XRCC6: variants seen among roughly 807,000 people sequenced by gnomAD.
XRCC6 encodes X-ray repair cross complementing 6.
A neutral mutation model predicts 65.7 loss-of-function variants in XRCC6; 5 were observed. The observed-to-expected ratio is 0.08, with a 90% CI of 0.04 to 0.16. XRCC6 has a LOEUF of 0.16. Ranked by LOEUF, XRCC6 falls within the 10% of genes least tolerant of loss-of-function variation. The pLI, the probability that XRCC6 is intolerant of heterozygous loss-of-function variation, is 1.00. For missense variants in XRCC6, 447 were observed against 738.1 expected (o/e 0.61, Z 4.57); for synonymous variants, 270 against 270.6 (o/e 1.00, Z 0.02).
intron 6 of XRCC6, among the ~76,000 whole-genome samples, chr22:41,645,261 T>G (rs79733781): frequency 6.0e-5 from 9 of 150,546 alleles, no homozygotes; most frequent in Non-Finnish European, 8.9e-5. Flanking sequence ...ATCGTGCCAT[T>G]GCACTCCAGC....
chr22:41,638,612 T>C (rs747108960), intron 6 of XRCC6, among the ~76,000 whole-genome samples: 10 of 151,838 alleles, frequency 6.6e-5, no homozygotes, highest in Non-Finnish European at 1.5e-4. Flanking sequence ...GGTGAAACCT[T>C]GTTCTCTACT....
chr22:41,650,793 G>A lies in XRCC6; in HGVS notation c.1031G>A (p.Gly344Asp). 6.2e-7 allele frequency: 1 copy of A among 1,613,946 alleles called. No homozygotes were observed. The highest frequency in any genetic ancestry group is 2.2e-5 in the East Asian group (1 of 44,880). ...TEELKRFDDPGLMLMGFKPLV... is the reference protein window; with the variant it reads ...TEELKRFDDPDLMLMGFKPLV... Reference sequence around the variant, plus strand: ...GAGCTAAAACGGTTTGATGATCCAGGTTTGATGCTCATGGGTTTCAAGCCG... The same window carrying A: ...GAGCTAAAACGGTTTGATGATCCAGATTTGATGCTCATGGGTTTCAAGCCG... The change falls in exon 8 of 13, where the codon GGT (glycine) becomes GAT (aspartate). Residue 344 changes from glycine to aspartate, a missense_variant. Around this residue, in one of 4 missense-constraint regions of XRCC6, gnomAD observed 201 missense variants for 374.1 expected, o/e 0.54. Transcript: ENST00000360079.
intron 2 of XRCC6, among the ~76,000 whole-genome samples, chr22:41,626,917 G>A (rs772493758): frequency 6.6e-6 from 1 of 152,168 alleles, no homozygotes; most frequent in South Asian, 2.1e-4. Flanking sequence ...TGGGATTACA[G>A]GTGTGAGCCA....
chr22:41,626,631 GTTTTTTTTTTTGT>G (rs2067677371), intron 2 of XRCC6, among the ~76,000 whole-genome samples: 1 of 111,512 alleles, frequency 9.0e-6, no homozygotes, highest in Non-Finnish European at 2.0e-5. Flanking sequence ...ATGTTTGTTT[GTTTTTTTTTTTGT>G]TTTTTTTTTT....
chr22:41,627,879 A>G (rs920365496), intron 2 of XRCC6, among the ~76,000 whole-genome samples: 2 of 152,124 alleles, frequency 1.3e-5, no homozygotes, highest in Non-Finnish European at 2.9e-5. Flanking sequence ...TATCTCAGAA[A>G]AAAAAGTCAG....
At chr22:41,661,721 C>G (rs1007433128) in intron 12 of XRCC6, 8 of 369,546 alleles carry the variant, frequency 2.2e-5, no homozygotes, top group African/African-American at 1.1e-4. Flanking sequence ...TATGATCCAG[C>G]ATACCATATG....
chr22:41,625,786 G>A (rs1392845872), intron 2 of XRCC6, among the ~76,000 whole-genome samples: 5 of 152,136 alleles, frequency 3.3e-5, no homozygotes, highest in African/African-American at 9.7e-5. Flanking sequence ...CTATGATTGC[G>A]CCACTGCATT....
intron 3 of XRCC6, among the ~76,000 whole-genome samples, chr22:41,628,488 G>A (rs2067703680): frequency 6.6e-6 from 1 of 152,050 alleles, no homozygotes; most frequent in South Asian, 2.1e-4. Context: ...AGCCCAGGAG[G>A]TCAAACAGAA....
chr22:41,629,179 G>T (rs886635065), intron 3 of XRCC6, among the ~76,000 whole-genome samples: 5 of 152,090 alleles, frequency 3.3e-5, no homozygotes, highest in Admixed American at 2.0e-4. Context: ...TGGCGTGATT[G>T]ACTGTACCTG....
chr22:41,628,977 A>AC (rs2067709675), intron 3 of XRCC6, among the ~76,000 whole-genome samples: 1 of 151,168 alleles, frequency 6.6e-6, no homozygotes, highest in South Asian at 2.1e-4. Flanking sequence ...AAAAAAAAAA[A>AC]AAAAAAAAAA....
At chr22:41,625,046 C>A (rs138144437) in intron 2 of XRCC6, among the ~76,000 whole-genome samples, 2,171 of 152,300 alleles carry the variant, frequency 0.014, 44 homozygotes, top group African/African-American at 0.048. Flanking sequence ...TGGCTCATGC[C>A]TGTAATCCCA....
rs2068064011 is a variant in XRCC6 at position 41,658,304 on chromosome 22, G to A, written c.1474G>A (p.Ala492Thr). ...VLQQHFRNLE[A>T]LALDLMEPEQ... ...GCAGCAGCACTTCAGGAACCTGGAGGCCTTGGCCTTGGATTTGATGGAGCC... is the reference window on the plus strand; with the variant it reads ...GCAGCAGCACTTCAGGAACCTGGAGACCTTGGCCTTGGATTTGATGGAGCC... Residue 492 changes from alanine (A) to threonine (T), a missense_variant, in exon 11 of 13, where the codon GCC becomes ACC. By Grantham distance (58) the Ala-to-Thr change is moderately conservative. Transcript: ENST00000360079. 5 of 1,613,928 alleles carry A rather than the reference G, an allele frequency of 3.1e-6. No homozygotes were observed. The highest frequency in any genetic ancestry group is 1.3e-5 in the African/African-American group (1 of 74,916).
intron 2 of XRCC6, 113 bp from the exon 3 acceptor site, chr22:41,628,005 C>G: frequency 1.6e-6 from 1 of 620,584 alleles, no homozygotes; most frequent in Non-Finnish European, 2.6e-6. Context: ...TATGGTTGTT[C>G]ACCTTATAAT....
At chr22:41,647,708 C>T (rs1183287231) in intron 7 of XRCC6, among the ~76,000 whole-genome samples, 2 of 152,072 alleles carry the variant, frequency 1.3e-5, no homozygotes, top group Non-Finnish European at 2.9e-5. Flanking sequence ...AGACATTGGC[C>T]ACTGTGCCCA....
chr22:41,650,725 C>G lies in XRCC6; in HGVS notation c.963C>G (p.Ile321Met), dbSNP rs750047356. Reference protein sequence around the residue: ...LLPSDTKRSQIYGSRQIILEK... With the variant: ...LLPSDTKRSQMYGSRQIILEK... ...TCCTTGTCGTTCTTCTCCTTCAGAT[C>G]TATGGGAGTCGTCAGATTATACTGG... Residue 321 changes from isoleucine (I) to methionine (M), a missense_variant and splice_region_variant, in exon 8 of 13, where the codon ATC (isoleucine) becomes ATG (methionine). This residue lies in a region of XRCC6 where 201 missense variants were observed against 374.1 expected (regional missense o/e 0.54). Coordinates refer to ENST00000360079, the MANE Select transcript of XRCC6 (RefSeq NM_001469.5). 3 of 1,612,862 alleles carry G rather than the reference C, an allele frequency of 1.9e-6. No homozygotes were observed. Among genetic ancestry groups the G allele is most frequent in the South Asian group, 2.2e-5 (2 of 91,022 alleles).
Position 41,663,938 on chromosome 22 carries a change from T to A in XRCC6, c.*123T>A. On this transcript the variant is annotated 3_prime_UTR_variant, in exon 13 of 13. Transcript: ENST00000360079. Reference sequence around the variant, plus strand: ...GTCTACCCGACATAAGTCGAGGGACTTTATGTTTTTGAGGCTTTCTGTTGC... The same window carrying A: ...GTCTACCCGACATAAGTCGAGGGACATTATGTTTTTGAGGCTTTCTGTTGC... 1.2e-5 allele frequency: 13 copies of A among 1,104,714 alleles called. No individual in the cohort carries two copies. The highest frequency in any genetic ancestry group is 1.6e-5 in the African/African-American group (1 of 63,516). The allele number at this position is 1,104,714 out of a possible 1,614,324, so 68.4% of individuals were successfully genotyped here. A position where few individuals can be genotyped will look rare whatever the true frequency, so the allele number is the denominator to read the frequency against.
At chr22:41,646,829 A>C (rs1021272054) in intron 6 of XRCC6, 67 bp from the exon 7 acceptor site, 1 of 1,337,254 alleles carries the variant, frequency 7.5e-7, no homozygotes, top group African/African-American at 1.5e-5. Context: ...CTTTGGTGTT[A>C]TGAGGGAATT....
chr22:41,640,892 G>T (rs2067868438), intron 6 of XRCC6, among the ~76,000 whole-genome samples: 1 of 152,062 alleles, frequency 6.6e-6, no homozygotes, highest in East Asian at 1.9e-4. Flanking sequence ...TTCTAGTCCT[G>T]GTCCCTTTGC....
intron 10 of XRCC6, among the ~76,000 whole-genome samples, chr22:41,657,758 C>T (rs115432128): frequency 0.013 from 1,995 of 151,836 alleles, 47 homozygotes; most frequent in African/African-American, 0.045. Flanking sequence ...GAGCTCAAGC[C>T]ATCCGCCTGC....
Sources: allele counts gnomAD v4.1 joint callset (sites outside exome capture counted in the v4.1 genomes callset), GRCh38; gene constraint gnomAD v4.1.1; regional missense constraint gnomAD v4.1.1; transcripts MANE v1.5; gene names NCBI Gene and HGNC (gene_info 2026-07-23, HGNC 2026-07-21).